The following NFIB variants were observed in gnomAD, a reference collection of about 807,000 sequenced individuals.
NFIB encodes nuclear factor 1 B-type.
NFIB carries 11 observed loss-of-function variants against 61.5 expected under a neutral mutation model. That is an observed-to-expected ratio of 0.18 (90% CI 0.11 to 0.30). The LOEUF is 0.30. Ranked by LOEUF, NFIB falls within the 10% of genes least tolerant of loss-of-function variation. The pLI is 1.00. For missense variants in NFIB, 471 were observed against 608.9 expected (o/e 0.77, Z 2.38); for synonymous variants, 260 against 216.5 (o/e 1.20, Z -1.76).
chr9:14,181,625 C>T (rs1161492253), intron 2 of NFIB, among the ~76,000 whole-genome samples: 1 of 152,214 alleles, frequency 6.6e-6, no homozygotes, highest in Non-Finnish European at 1.5e-5. Context: ...ATAGCATCAG[C>T]TATTTTTACC....
In NFIB at chr9:14,146,768, T is replaced by C; in HGVS notation, c.846A>G (p.Glu282=). ...PKTISIDENM[E]PSPTGDFYPS... ...GGTAAAAGTCTCCTGTAGGACTTGG[T>C]TCCATATTTTCATCTATGGATATAG... The change falls in exon 6 of 11, where the codon GAA becomes GAG. Residue 282 remains glutamate (E), a synonymous_variant. Coordinates refer to ENST00000380953, the MANE Select transcript of NFIB (RefSeq NM_001190737.2). 6.2e-7 allele frequency: 1 copy of C among 1,605,360 alleles called. No individual in the cohort carries two copies. Among genetic ancestry groups the C allele is most frequent in the Non-Finnish European group, 8.5e-7 (1 of 1,177,838 alleles).
the NFIB span, among the ~76,000 whole-genome samples, chr9:14,419,447 G>A: frequency 1.4e-4 from 21 of 152,216 alleles, no homozygotes; most frequent in African/African-American, 3.1e-4. Flanking sequence ...CACAGACAGG[G>A]CCCACTTCAC....
At chr9:14,089,613 T>A (rs981010227) in intron 10 of NFIB, among the ~76,000 whole-genome samples, 6 of 152,178 alleles carry the variant, frequency 3.9e-5, no homozygotes, top group Non-Finnish European at 7.4e-5. Context: ...GACAATTCAG[T>A]ACTCATATTA....
At chr9:14,398,769 G>C in exon 1 of NFIB, 1 of 590,560 alleles carries the variant, frequency 1.7e-6, no homozygotes, top group East Asian at 3.0e-5. Flanking sequence ...GGTCCGAAGA[G>C]TTTGAGGGTG....
chr9:14,352,262 A>ATT, intron 1 of NFIB, among the ~76,000 whole-genome samples: 1 of 150,862 alleles, frequency 6.6e-6, no homozygotes, highest in Non-Finnish European at 1.5e-5. Flanking sequence ...TGATTTTTTC[A>ATT]TTTTTTTTTG....
intron 10 of NFIB, among the ~76,000 whole-genome samples, chr9:14,101,815 A>G (rs2035823989): frequency 6.6e-6 from 1 of 152,360 alleles, no homozygotes; most frequent in East Asian, 1.9e-4. Context: ...AATAAGGTCA[A>G]TCTTCCATGA....
intron 1 of NFIB, among the ~76,000 whole-genome samples, chr9:14,385,760 A>G (rs556315801): frequency 3.1e-4 from 47 of 151,246 alleles, no homozygotes; most frequent in Admixed American, 2.0e-3. Context: ...CATTTCTAAT[A>G]TGGGATCAGA....
chr9:14,530,035 A>G, the NFIB span, among the ~76,000 whole-genome samples: 1 of 152,146 alleles, frequency 6.6e-6, no homozygotes, highest in African/African-American at 2.4e-5. Context: ...TACTATACCC[A>G]TCTTAATCCC....
At chr9:14,323,637 CAGT>C (rs1290547585) in intron 1 of NFIB, among the ~76,000 whole-genome samples, 10 of 152,148 alleles carry the variant, frequency 6.6e-5, no homozygotes, top group African/African-American at 2.4e-4. Context: ...ATGTGATTAC[CAGT>C]GAGACTAGAA....
At chr9:14,456,154 A>G in the NFIB span, among the ~76,000 whole-genome samples, 35 of 152,264 alleles carry the variant, frequency 2.3e-4, no homozygotes, top group African/African-American at 7.9e-4. Context: ...GTGATTTCAT[A>G]TGATTCACCT....
At chr9:14,501,719 T>C in the NFIB span, among the ~76,000 whole-genome samples, 3 of 152,244 alleles carry the variant, frequency 2.0e-5, no homozygotes, top group Non-Finnish European at 2.9e-5. Flanking sequence ...TCGAAGCCCA[T>C]TTCCCCCTGC....
In NFIB at chr9:14,200,435, T is replaced by C. The variant is rs374678536; in HGVS notation, c.563-20655A>G. Among the ~76,000 whole-genome samples, 41 of 152,270 alleles carry C rather than the reference T, an allele frequency of 2.7e-4. 1 individual carries two copies. In the East Asian group the frequency reaches 5.8e-3, roughly 21 times the overall value. ...AAACTCACATACTCTCTGATCACGA[T>C]GTGAGATAAGAAAATAATAATCCTC... On this transcript the variant is annotated intron_variant, in intron 2 of 10. Transcript: ENST00000380953.
chr9:14,107,117 A>G (rs1391416854), intron 10 of NFIB, among the ~76,000 whole-genome samples: 6 of 152,050 alleles, frequency 3.9e-5, no homozygotes, highest in Admixed American at 3.9e-4. Flanking sequence ...GGTGGAAAAC[A>G]GATGCTTAAA....
intron 8 of NFIB, among the ~76,000 whole-genome samples, chr9:14,116,663 AG>A (rs1025879564): frequency 2.6e-5 from 4 of 152,270 alleles, no homozygotes; most frequent in African/African-American, 9.6e-5. Context: ...TTAAATGCTT[AG>A]CCCAAAGGCT....
At chr9:14,291,887 C>T (rs946982022) in intron 2 of NFIB, among the ~76,000 whole-genome samples, 6 of 151,342 alleles carry the variant, frequency 4.0e-5, no homozygotes, top group African/African-American at 9.7e-5. Flanking sequence ...TTTAATGGGT[C>T]CTTTCTGTTT....
chr9:14,134,469 T>A (rs1227043393), intron 6 of NFIB, among the ~76,000 whole-genome samples: 2 of 152,124 alleles, frequency 1.3e-5, no homozygotes, highest in Non-Finnish European at 2.9e-5. Context: ...GGCACAGAGT[T>A]ACATGCAGTG....
At chr9:14,133,057 C>A (rs1200856217) in intron 6 of NFIB, among the ~76,000 whole-genome samples, 8 of 152,170 alleles carry the variant, frequency 5.3e-5, no homozygotes, top group African/African-American at 1.9e-4. Flanking sequence ...AGCTTAGAGA[C>A]AGTCCAATGG....
chr9:14,283,947 C>T (rs1252292323), intron 2 of NFIB, among the ~76,000 whole-genome samples: 1 of 152,212 alleles, frequency 6.6e-6, no homozygotes, highest in Non-Finnish European at 1.5e-5. Context: ...CTGCTTCATA[C>T]ACACATTATT....
chr9:14,472,566 G>C, the NFIB span, among the ~76,000 whole-genome samples: 1 of 152,096 alleles, frequency 6.6e-6, no homozygotes, highest in Non-Finnish European at 1.5e-5. Context: ...ATTTATAAAA[G>C]GATTGGTCTC....
Sources: gnomAD v4.1 joint callset for allele counts (sites outside exome capture counted in the v4.1 genomes callset) on GRCh38, gnomAD v4.1.1 for gene constraint, MANE v1.5 for transcripts, NCBI Gene and HGNC (gene_info 2026-07-23, HGNC 2026-07-21) for gene names.